Variants in TAF1D observed in about 807,000 individuals in gnomAD.
TAF1D encodes TATA-box binding protein associated factor, RNA polymerase I subunit D.
TAF1D carries 23 observed loss-of-function variants against 26.2 expected under a neutral mutation model. The observed-to-expected ratio is 0.88, with a 90% confidence interval of 0.63 to 1.25. The LOEUF is 1.25. Among genes scored for constraint, TAF1D ranks in the 50% most tolerant of loss-of-function variants. TAF1D has a pLI of 0.00. For synonymous variants in TAF1D, 100 were observed against 105.6 expected (o/e 0.95, Z 0.33); for missense variants, 299 against 322.0 (o/e 0.93, Z 0.55).
downstream of TAF1D, chr11:93,733,660 CGT>C (rs778932427): frequency 4.1e-6 from 2 of 483,690 alleles, no homozygotes; most frequent in Non-Finnish European, 8.2e-6. Context: ...TTTTAAAAAT[CGT>C]GTGATTCTTG....
chr11:93,732,195 C>G (rs1423868207), downstream of TAF1D: 5 of 498,984 alleles, frequency 1.0e-5, no homozygotes, highest in Admixed American at 1.0e-4. Flanking sequence ...GCTGGCAGTG[C>G]TACTGATAGA....
rs1409772548 is a variant in TAF1D at position 93,739,969 on chromosome 11, A to G, written c.-27-638T>C. On this transcript the variant is annotated intron_variant, in intron 1 of 5. Transcript: ENST00000448108. ...GAGAGTATACAACATACCAAAAAAA[A>G]AAAAAAAAAAAAAGAAAAAGATTCC... Among the ~76,000 whole-genome samples the G allele has an allele frequency of 4.6e-4, 68 of 147,836 alleles. 1 individual carries two copies. Among genetic ancestry groups the G allele is most frequent in the South Asian group, 2.3e-3 (11 of 4,752 alleles).
Position 93,737,051 on chromosome 11 carries a change from T to C in TAF1D, c.635+13A>G, listed in dbSNP as rs1004887916. On this transcript the variant is annotated intron_variant, in intron 4 of 5. Coordinates refer to ENST00000448108, the MANE Select transcript of TAF1D (RefSeq NM_024116.4). ...TAACCTATTACCAAAGTATTTCATA[T>C]GATTCCACTTACGTTGACTCCTCAA... 1.3e-6 allele frequency: 2 copies of C among 1,565,264 alleles called. No individual in the cohort carries two copies. Among genetic ancestry groups the C allele is most frequent in the South Asian group, 1.2e-5 (1 of 82,398 alleles).
chr11:93,731,123 A>G (rs750630435), downstream of TAF1D: 1 of 497,062 alleles, frequency 2.0e-6, no homozygotes, highest in East Asian at 5.5e-5. Flanking sequence ...CAAATAACTT[A>G]TAGTTAAGAT....
chr11:93,732,529 C>T, downstream of TAF1D: 1 of 462,498 alleles, frequency 2.2e-6, no homozygotes, highest in South Asian at 1.6e-5. Context: ...ACTCGTATTC[C>T]CAAATTTGCA....
At chr11:93,731,153 A>G (rs1409309077), downstream of TAF1D, 1 of 476,642 alleles carries the variant, frequency 2.1e-6, no homozygotes, top group East Asian at 5.6e-5. Context: ...TACTTGCCAT[A>G]ATTACTTTGG....
Position 93,735,734 on chromosome 11 carries a change from T to C in TAF1D, c.*427A>G, listed in dbSNP as rs1396533418. 1 of 1,035,054 alleles carries C rather than the reference T, an allele frequency of 9.7e-7. No individual in the cohort carries two copies. Among genetic ancestry groups the C allele is most frequent in the African/African-American group, 1.7e-5 (1 of 57,478 alleles). 64.1% of individuals were successfully genotyped at this position (1,035,054 alleles called of 1,614,324 possible). ...AATGAGGTTATTACAATACTAAGCA[T>C]CTGACAGGTCACTTGTCATGGCTGA... On this transcript the variant is annotated 3_prime_UTR_variant, in exon 6 of 6. Transcript: ENST00000448108.
chr11:93,737,614 C>T (rs1941064414), intron 3 of TAF1D, among the ~76,000 whole-genome samples: 1 of 152,132 alleles, frequency 6.6e-6, no homozygotes, highest in Non-Finnish European at 1.5e-5. Flanking sequence ...GGCAAGGGAT[C>T]ATAAATTAAT....
downstream of TAF1D, chr11:93,733,489 C>G (rs180814461): frequency 8.1e-5 from 42 of 518,886 alleles, no homozygotes; most frequent in Admixed American, 7.4e-4. Context: ...TTCCTTCCCA[C>G]AGATCTAACA....
At chr11:93,736,985 A>G in intron 4 of TAF1D, 79 bp downstream of exon 4, 1 of 1,305,162 alleles carries the variant, frequency 7.7e-7, no homozygotes, top group Non-Finnish European at 1.0e-6. Flanking sequence ...TAACTATATT[A>G]AAGGCAAAAT....
chr11:93,736,259 C>T lies in TAF1D; in HGVS notation c.739G>A (p.Val247Ile), dbSNP rs1288197466. The T allele has an allele frequency of 3.7e-6, 6 of 1,612,884 alleles. No homozygotes were observed. Among genetic ancestry groups the T allele is most frequent in the African/African-American group, 1.3e-5 (1 of 74,884 alleles). The stretch of plus-strand genomic sequence containing the variant: ...GTAATATCCTCTTCTTCTAAGTATA[C>T]ACTCAGTCTTACAGGGAATTCAGAA... ...VSSEFPVRLS[V>I]YLEEEDITEE... is the part of the protein sequence containing the mutation. Residue 247 changes from valine to isoleucine, a missense_variant, in exon 6 of 6, where the codon GTA becomes ATA. Physicochemically the swap from Val to Ile is conservative, Grantham distance 29. Coordinates refer to ENST00000448108, the MANE Select transcript of TAF1D (RefSeq NM_024116.4).
intron 3 of TAF1D, 25 bp downstream of exon 3, chr11:93,738,084 C>T: frequency 6.5e-7 from 1 of 1,526,930 alleles, no homozygotes; most frequent in South Asian, 1.4e-5. Flanking sequence ...TTATGTGTAG[C>T]CATGTATGTA....
downstream of TAF1D, chr11:93,732,108 CA>C (rs754774356): frequency 9.6e-6 from 5 of 518,970 alleles, no homozygotes; most frequent in South Asian, 7.0e-5. Context: ...CCATGATCAA[CA>C]GTGCCCATTC....
At chr11:93,732,082 T>C (rs1188837085), downstream of TAF1D, 1 of 519,026 alleles carries the variant, frequency 1.9e-6, no homozygotes, top group East Asian at 5.5e-5. Context: ...TTAGCCACAT[T>C]AACTATTTTT....
Position 93,737,240 on chromosome 11 carries a change from C to T in TAF1D, c.460-1G>A. ...TAAAAAATCCTCTTGCAACAGCTTG[C>T]TATATATTAAAAACACCATAAGTAT... is the stretch of plus-strand genomic sequence containing the variant. On this transcript the variant is annotated splice_acceptor_variant, in intron 3 of 5. Transcript: ENST00000448108. LOFTEE classifies it high-confidence loss of function. 3 of 1,595,332 alleles carry T rather than the reference C, an allele frequency of 1.9e-6. No individual in the cohort carries two copies. The highest frequency in any genetic ancestry group is 2.6e-6 in the Non-Finnish European group (3 of 1,172,016).
intron 2 of TAF1D, 23 bp downstream of exon 2, chr11:93,739,214 T>A: frequency 6.4e-7 from 1 of 1,563,716 alleles, no homozygotes. Flanking sequence ...TCAGATACAA[T>A]AAACATGATT....
chr11:93,734,598 G>C (rs925914496), downstream of TAF1D: 1 of 565,452 alleles, frequency 1.8e-6, no homozygotes, highest in African/African-American at 1.9e-5. Flanking sequence ...AAACAAATAT[G>C]ATGTGAAAAC....
At position 93,738,348 on chromosome 11, in the gene TAF1D, G is replaced by C. The variant is rs1438914994; in HGVS notation, c.220C>G (p.Pro74Ala). 6.2e-7 allele frequency: 1 copy of C among 1,613,366 alleles called. No homozygotes were observed. The highest frequency in any genetic ancestry group is 1.7e-5 in the Admixed American group (1 of 59,922). ...TCAAAAATAGCTTTTATAGTCAATGGTATTGGTTCAAAAGATGAGTCACTT... is the reference window on the plus strand; with the variant it reads ...TCAAAAATAGCTTTTATAGTCAATGCTATTGGTTCAAAAGATGAGTCACTT... ...SSSDSSFEPI[P>A]LTIKAIFERF... The change falls in exon 3 of 6, where the codon CCA (proline) becomes GCA (alanine). Residue 74 changes from proline to alanine, a missense_variant. Physicochemically the swap from Pro to Ala is conservative, Grantham distance 27 (BLOSUM62 -1). Coordinates refer to ENST00000448108, the MANE Select transcript of TAF1D (RefSeq NM_024116.4).
chr11:93,731,892 A>G (rs1256465967), downstream of TAF1D: 2 of 390,066 alleles, frequency 5.1e-6, no homozygotes, highest in East Asian at 7.1e-5. Flanking sequence ...CAGTCAATAT[A>G]CAGCACATAA....
Sources: gnomAD v4.1 joint callset for allele counts (sites outside exome capture counted in the v4.1 genomes callset) on GRCh38, gnomAD v4.1.1 for gene constraint, MANE v1.5 for transcripts, NCBI Gene and HGNC (gene_info 2026-07-23, HGNC 2026-07-21) for gene names.